Variants in FIGN observed in about 807,000 individuals in gnomAD.
The protein encoded by FIGN is fidgetin.
Under a neutral mutation model 51.3 loss-of-function variants are expected in FIGN, and 11 were observed. That is an observed-to-expected ratio of 0.21 (90% CI 0.13 to 0.35). FIGN has a LOEUF of 0.35. FIGN is among the 10% of genes least tolerant of loss of function. The pLI is 1.00. For missense variants in FIGN, 857 were observed against 943.6 expected, an observed-to-expected ratio of 0.91 and a Z score of 1.20; for synonymous variants, 407 against 363.2, an observed-to-expected ratio of 1.12 and a Z score of -1.37.
At chr2:163,656,946 C>T (rs1683568432) in intron 2 of FIGN, among the ~76,000 whole-genome samples, 1 of 152,032 alleles carries the variant, frequency 6.6e-6, no homozygotes, top group African/African-American at 2.4e-5. Context: ...TTTAAATATC[C>T]ACTCTTTATT....
chr2:163,689,710 G>C (rs1025300677), intron 2 of FIGN, among the ~76,000 whole-genome samples: 2 of 152,076 alleles, frequency 1.3e-5, no homozygotes, highest in African/African-American at 4.8e-5. Context: ...GTATTCTGAA[G>C]CAGTTAGGCA....
chr2:163,685,340 T>C (rs886320456), intron 2 of FIGN, among the ~76,000 whole-genome samples: 2 of 152,214 alleles, frequency 1.3e-5, no homozygotes, highest in Non-Finnish European at 2.9e-5. Flanking sequence ...AATATCTTCC[T>C]TGGGGTCTTT....
chr2:163,669,979 T>TA (rs1683849523), intron 2 of FIGN, among the ~76,000 whole-genome samples: 1 of 152,184 alleles, frequency 6.6e-6, no homozygotes, highest in Admixed American at 6.5e-5. Context: ...GACCAAAAGA[T>TA]ATTTAAACAT....
intron 2 of FIGN, among the ~76,000 whole-genome samples, chr2:163,705,544 T>TA (rs1423578588): frequency 2.6e-5 from 4 of 152,112 alleles, no homozygotes; most frequent in South Asian, 2.1e-4. Flanking sequence ...TCACTTTATA[T>TA]AAAAAATACA....
At chr2:163,668,742 C>A (rs1683825063) in intron 2 of FIGN, among the ~76,000 whole-genome samples, 3 of 152,064 alleles carry the variant, frequency 2.0e-5, no homozygotes, top group Admixed American at 1.3e-4. Context: ...AGATTGAGAC[C>A]ATCCTGGCTA....
intron 2 of FIGN, among the ~76,000 whole-genome samples, chr2:163,613,487 G>A (rs1056020411): frequency 1.8e-4 from 28 of 151,976 alleles, no homozygotes; most frequent in South Asian, 4.2e-4. Context: ...TGACATGGCC[G>A]GCTCTGACTT....
intron 2 of FIGN, among the ~76,000 whole-genome samples, chr2:163,702,892 T>C (rs1684431416): frequency 6.6e-6 from 1 of 152,142 alleles, no homozygotes. Context: ...ATTATCCCAG[T>C]ATTTTCTCAA....
At chr2:163,654,419 T>C (rs722322) in intron 2 of FIGN, among the ~76,000 whole-genome samples, 8,401 of 152,208 alleles carry the variant, frequency 0.055, 753 homozygotes, top group African/African-American at 0.19. Context: ...TTGATGAAGA[T>C]GTTGACATAC....
chr2:163,728,205 G>A (rs1023269829), intron 2 of FIGN, among the ~76,000 whole-genome samples: 26 of 151,658 alleles, frequency 1.7e-4, no homozygotes, highest in Admixed American at 2.6e-4. Flanking sequence ...GCATACTTTC[G>A]TTTTTTTAAT....
In FIGN at chr2:163,660,858, C is replaced by CATAT. The variant is rs1289524694; in HGVS notation, c.26-49056_26-49053dup. On this transcript the variant is annotated intron_variant, in intron 2 of 2. Coordinates refer to ENST00000333129, the MANE Select transcript of FIGN (RefSeq NM_018086.4). ...ACATATATACATATATATATGTATA[C>CATAT]ATATATATATATATATATATATTTT... Among the ~76,000 whole-genome samples, 26 of 23,410 alleles carry CATAT rather than the reference C, an allele frequency of 1.1e-3. 3 individuals are homozygous for CATAT. The highest frequency in any genetic ancestry group is 4.4e-3 in the African/African-American group (23 of 5,174). The allele number at this position is 23,410 out of a possible 152,430, so 15.4% of individuals were successfully genotyped here.
At chr2:163,729,030 C>T (rs955337387) in intron 2 of FIGN, among the ~76,000 whole-genome samples, 17 of 152,252 alleles carry the variant, frequency 1.1e-4, no homozygotes, top group Admixed American at 1.0e-3. Flanking sequence ...TGAGATGTTA[C>T]TATTTCCAAG....
chr2:163,648,911 C>T (rs935323482), intron 2 of FIGN, among the ~76,000 whole-genome samples: 2 of 152,124 alleles, frequency 1.3e-5, no homozygotes, highest in Non-Finnish European at 2.9e-5. Context: ...CAGTTTATAA[C>T]TAGCTTAATT....
Position 163,609,549 on chromosome 2 carries a change from T to C in FIGN, c.*3A>G. 6.2e-7 allele frequency: 1 copy of C among 1,602,018 alleles called. No individual in the cohort carries two copies. Among genetic ancestry groups the C allele is most frequent in the South Asian group, 1.1e-5 (1 of 89,970 alleles). On this transcript the variant is annotated 3_prime_UTR_variant, in exon 3 of 3. Coordinates refer to ENST00000333129, the MANE Select transcript of FIGN (RefSeq NM_018086.4). The stretch of plus-strand genomic sequence containing the variant: ...ATTACATTTTTTTTTTCTAAAGAAG[T>C]TATCACTGACTGCAACCAAACATTT...
chr2:163,658,544 G>A (rs1479634590), intron 2 of FIGN, among the ~76,000 whole-genome samples: 1 of 152,084 alleles, frequency 6.6e-6, no homozygotes, highest in African/African-American at 2.4e-5. Context: ...TTCTACTGAG[G>A]GCGTCAGGCT....
chr2:163,731,131 GGAA>G (rs1684921203), intron 2 of FIGN, among the ~76,000 whole-genome samples: 2 of 152,054 alleles, frequency 1.3e-5, no homozygotes, highest in South Asian at 4.1e-4. Context: ...ACAAAAACAG[GGAA>G]GTATTAGCAT....
intron 2 of FIGN, among the ~76,000 whole-genome samples, chr2:163,622,940 A>G (rs1257780261): frequency 6.6e-6 from 1 of 152,172 alleles, no homozygotes; most frequent in African/African-American, 2.4e-5. Context: ...TGTTTATATT[A>G]AAAGAGTAAG....
chr2:163,702,239 G>T (rs1484259672), intron 2 of FIGN, among the ~76,000 whole-genome samples: 1 of 152,014 alleles, frequency 6.6e-6, no homozygotes, highest in Non-Finnish European at 1.5e-5. Context: ...TTGTACTATT[G>T]TTCTCATTAA....
Position 163,609,974 on chromosome 2 carries a change from C to G in FIGN, c.1858G>C (p.Ala620Pro). ...CAAATTACTACGATTTGGTCCTCAG[C>G]CGAAGTTAGTACAGTGTCCAGTTGC... is the stretch of plus-strand genomic sequence containing the variant. ...LMQLDTVLTS[A>P]EDQIVVICAT... The change falls in exon 3 of 3, where the codon GCT becomes CCT. Residue 620 changes from alanine to proline, a missense_variant. Transcript: ENST00000333129. The G allele has an allele frequency of 6.2e-7, 1 of 1,613,984 alleles. No individual in the cohort carries two copies. The highest frequency in any genetic ancestry group is 8.5e-7 in the Non-Finnish European group (1 of 1,180,022).
chr2:163,637,584 G>C (rs1459326762), intron 2 of FIGN, among the ~76,000 whole-genome samples: 2 of 151,862 alleles, frequency 1.3e-5, no homozygotes, highest in African/African-American at 4.8e-5. Flanking sequence ...TGCCAAAATA[G>C]ATCTGGGAAT....
Sources: allele counts gnomAD v4.1 joint callset (sites outside exome capture counted in the v4.1 genomes callset), GRCh38; gene constraint gnomAD v4.1.1; transcripts MANE v1.5; gene names NCBI Gene and HGNC (gene_info 2026-07-23, HGNC 2026-07-21).